Variants in TNS1 observed in about 807,000 individuals in gnomAD.
The protein encoded by TNS1 is tensin-1.
In TNS1, 62 loss-of-function variants were observed where a neutral mutation model predicts 168.6. That is an observed-to-expected ratio of 0.37 (90% CI 0.30 to 0.45). TNS1 has a LOEUF of 0.45. Among genes scored for constraint, TNS1 ranks in the 20% least tolerant of loss-of-function variants. TNS1 has a pLI of 1.00. For synonymous variants in TNS1, 934 were observed against 933.2 expected, an observed-to-expected ratio of 1.00 and a Z score of -0.02; for missense variants, 2,240 against 2,339.4, an observed-to-expected ratio of 0.96 and a Z score of 0.88.
At chr2:217,838,123 T>C (rs1330547803) in intron 19 of TNS1, among the ~76,000 whole-genome samples, 2 of 152,190 alleles carry the variant, frequency 1.3e-5, no homozygotes, top group East Asian at 3.8e-4. Flanking sequence ...ATAAATGCAT[T>C]AGGGCTGGTC....
At position 217,856,659 on chromosome 2, in the gene TNS1, C is replaced by A. The variant is rs530421514; in HGVS notation, c.1430-7572G>T. ...GTGCAGCCCAGGAGACTTAGGTGCA[C>A]GTTGGGAACACGTAAAAAGATTTTT... On this transcript the variant is annotated intron_variant, in intron 18 of 32. Transcript: ENST00000682258. Among the ~76,000 whole-genome samples the A allele has an allele frequency of 2.0e-5, 3 of 151,976 alleles. No homozygotes were observed. The East Asian group carries it at 5.8e-4, about 29-fold the overall frequency.
chr2:217,805,650 A>G (rs1306897159), intron 32 of TNS1, among the ~76,000 whole-genome samples: 2 of 101,600 alleles, frequency 2.0e-5, no homozygotes, highest in East Asian at 2.8e-4. Flanking sequence ...CACATCACAC[A>G]CACACAACAC....
chr2:217,821,843 G>A lies in TNS1; in HGVS notation c.3469C>T (p.Gln1157Ter). 6.3e-7 allele frequency: 1 copy of A among 1,584,326 alleles called. No homozygotes were observed. Among genetic ancestry groups the A allele is most frequent in the Non-Finnish European group, 8.6e-7 (1 of 1,166,780 alleles). Residue 1157 changes from glutamine (Q) to a stop codon, truncating the protein, a stop_gained, in exon 23 of 33, where the codon CAG becomes TAG. Coordinates refer to ENST00000682258, the MANE Select transcript of TNS1 (RefSeq NM_001387777.1). LOFTEE classifies it high-confidence loss of function. ...EPKSFSAPAT[Q>*]AYGHEIPLRN... ...AGGGGTATCTCATGGCCATAGGCCT[G>A]GGTGGCTGGAGCACTAAAGCTCTTG...
intron 18 of TNS1, among the ~76,000 whole-genome samples, chr2:217,871,238 C>T (rs1174176322): frequency 6.6e-6 from 1 of 152,204 alleles, no homozygotes; most frequent in African/African-American, 2.4e-5. Flanking sequence ...GCCCTTTGTC[C>T]TATATGATGT....
intron 22 of TNS1, among the ~76,000 whole-genome samples, chr2:217,824,035 C>A (rs964044023): frequency 6.6e-6 from 1 of 152,210 alleles, no homozygotes; most frequent in African/African-American, 2.4e-5. Flanking sequence ...TTTGTAAAGA[C>A]TTAATAGTAA....
chr2:217,848,215 C>A lies in TNS1; in HGVS notation c.2302G>T (p.Val768Leu), dbSNP rs368772929. ...TGCCACGAATTCAGTCCCCTTTGCA[C>A]AGCCTCCCGGCTGCTTCCCCCTCGG... ...PVRGGSSREA[V>L]QRGLNSWQQQ... Residue 768 changes from valine to leucine, a missense_variant, in exon 19 of 33, where the codon GTG becomes TTG. Around this residue, in one of 2 missense-constraint regions of TNS1, gnomAD observed 2,131 missense variants for 2,171.2 expected, o/e 0.98. Coordinates refer to ENST00000682258, the MANE Select transcript of TNS1 (RefSeq NM_001387777.1). 37 of 1,591,332 alleles carry A rather than the reference C, an allele frequency of 2.3e-5. No individual in the cohort carries two copies. Among genetic ancestry groups the A allele is most frequent in the Non-Finnish European group, 3.1e-5 (36 of 1,169,370 alleles).
intron 19 of TNS1, among the ~76,000 whole-genome samples, chr2:217,838,914 C>G (rs1559206174): frequency 6.6e-6 from 1 of 152,090 alleles, no homozygotes. Flanking sequence ...TAGGCCTGCT[C>G]TCCCCACCTC....
chr2:217,952,575 A>T (rs762800139), intron 3 of TNS1, among the ~76,000 whole-genome samples: 1 of 152,174 alleles, frequency 6.6e-6, no homozygotes, highest in Non-Finnish European at 1.5e-5. Flanking sequence ...TTATCCATGT[A>T]CCCAAATGCA....
chr2:217,958,834 G>T (rs903231932), intron 3 of TNS1, among the ~76,000 whole-genome samples: 1 of 152,216 alleles, frequency 6.6e-6, no homozygotes, highest in Non-Finnish European at 1.5e-5. Context: ...CCTGAAGAAG[G>T]CTTCCTCCTT....
At chr2:217,960,787 C>G (rs896504065) in intron 3 of TNS1, among the ~76,000 whole-genome samples, 3 of 152,134 alleles carry the variant, frequency 2.0e-5, no homozygotes, top group Non-Finnish European at 4.4e-5. Flanking sequence ...TAGGACAACC[C>G]CAATTCCCTC....
chr2:217,805,884 CCA>C (rs57846949), intron 32 of TNS1, among the ~76,000 whole-genome samples: 70 of 147,106 alleles, frequency 4.8e-4, no homozygotes, highest in Non-Finnish European at 5.4e-4. Flanking sequence ...TATACACACA[CCA>C]CACACACACA....
At chr2:217,884,476 C>G (rs1294756259) in intron 16 of TNS1, among the ~76,000 whole-genome samples, 1 of 152,146 alleles carries the variant, frequency 6.6e-6, no homozygotes, top group Non-Finnish European at 1.5e-5. Context: ...AAACACCAAA[C>G]CTTTCCCAAC....
At chr2:217,997,307 C>T (rs928924104) in intron 1 of TNS1, among the ~76,000 whole-genome samples, 2 of 152,156 alleles carry the variant, frequency 1.3e-5, no homozygotes, top group African/African-American at 4.8e-5. Context: ...TTCTACTGCC[C>T]CAAGAATGTC....
intron 3 of TNS1, among the ~76,000 whole-genome samples, chr2:217,964,144 C>T (rs1957567139): frequency 6.6e-6 from 1 of 152,306 alleles, no homozygotes; most frequent in East Asian, 1.9e-4. Context: ...ACACTCACTT[C>T]CTCCACCCAA....
chr2:217,951,145 G>A (rs1390346738), intron 3 of TNS1, among the ~76,000 whole-genome samples: 9 of 152,206 alleles, frequency 5.9e-5, no homozygotes, highest in Non-Finnish European at 1.3e-4. Context: ...GAGTGGAGAA[G>A]AGATCCCAGG....
chr2:217,911,538 T>C (rs1000407021), intron 4 of TNS1, among the ~76,000 whole-genome samples: 24 of 152,236 alleles, frequency 1.6e-4, no homozygotes, highest in Non-Finnish European at 8.8e-5. Context: ...ATAAACTTAT[T>C]GCAAGAATTA....
At chr2:217,979,516 T>C (rs1178645347) in intron 2 of TNS1, among the ~76,000 whole-genome samples, 1 of 138,328 alleles carries the variant, frequency 7.2e-6, no homozygotes, top group Non-Finnish European at 1.6e-5. Context: ...TGTGCATGAC[T>C]TGAAACACAC....
chr2:217,940,398 G>A (rs1956853076), intron 3 of TNS1, among the ~76,000 whole-genome samples: 1 of 152,200 alleles, frequency 6.6e-6, no homozygotes, highest in African/African-American at 2.4e-5. Context: ...CCAGAACTGA[G>A]CCAAGAAACC....
chr2:217,949,783 G>C (rs1056083340), intron 3 of TNS1, among the ~76,000 whole-genome samples: 9 of 152,122 alleles, frequency 5.9e-5, no homozygotes, highest in African/African-American at 2.2e-4. Flanking sequence ...GAAAAGCTAA[G>C]ATGCTGAAGT....
Sources: gnomAD v4.1 joint callset for allele counts (sites outside exome capture counted in the v4.1 genomes callset) on GRCh38, gnomAD v4.1.1 for gene constraint, gnomAD v4.1.1 regional missense constraint, MANE v1.5 for transcripts, NCBI Gene and HGNC (gene_info 2026-07-23, HGNC 2026-07-21) for gene names.